The following LTBR variants were observed in gnomAD, a reference collection of about 807,000 sequenced individuals.
LTBR encodes lymphotoxin beta receptor, also known as tumor necrosis factor receptor superfamily member 3.
Under a neutral mutation model 45.4 loss-of-function variants are expected in LTBR, and 15 were observed. The observed-to-expected ratio is 0.33, with a 90% confidence interval of 0.22 to 0.51. The LOEUF is 0.51. LTBR is among the 20% of genes least tolerant of loss of function. The probability of loss-of-function intolerance (pLI) is 0.97; values close to 1 mark genes in which losing one functional copy is unlikely to be tolerated. For synonymous variants in LTBR, 228 were observed against 231.0 expected (o/e 0.99, Z 0.12); for missense variants, 450 against 565.5 (o/e 0.80, Z 2.07).
At position 6,386,469 on chromosome 12, in the gene LTBR, CGG is replaced by C; in HGVS notation, c.667+32_667+33del. On this transcript the variant is annotated intron_variant, in intron 6 of 9. Coordinates refer to ENST00000228918, the MANE Select transcript of LTBR (RefSeq NM_002342.3). The surrounding 1 kb of genome is among the most constrained non-coding windows in gnomAD (Gnocchi z 4.1). Reference sequence around the variant, plus strand: ...GGTGAGGGACCAGGGCTGAGGGACACGGGGGGGGCGCCTCTGAAAATGCCTTA... The same window carrying C: ...GGTGAGGGACCAGGGCTGAGGGACACGGGGGGCGCCTCTGAAAATGCCTTA... 1 of 1,483,908 alleles carries C rather than the reference CGG, an allele frequency of 6.7e-7. No homozygotes were observed. Among genetic ancestry groups the C allele is most frequent in the Non-Finnish European group, 9.4e-7 (1 of 1,068,326 alleles). The allele number at this position is 1,483,908 out of a possible 1,614,324, so 91.9% of individuals were successfully genotyped here. A position where few individuals can be genotyped will look rare whatever the true frequency, so the allele number is the denominator to read the frequency against.
intron 2 of LTBR, 164 bp from the exon 3 acceptor site, chr12:6,384,858 T>C: frequency 9.7e-7 from 1 of 1,031,840 alleles, no homozygotes; most frequent in Non-Finnish European, 1.4e-6. Flanking sequence ...CCCTCCCCAC[T>C]GGGCCTCCTC....
chr12:6,375,466 C>A, exon 1 of LTBR: 4 of 1,535,588 alleles, frequency 2.6e-6, no homozygotes, highest in South Asian at 1.2e-5. Flanking sequence ...TGGTTCCTTT[C>A]CAGTTGAATC....
In LTBR at chr12:6,386,546, A is replaced by C. The variant is rs911096663; in HGVS notation, c.667+102A>C. Reference sequence around the variant, plus strand: ...GGGAAAAGATGAACACTTCCCTCCCAGAATTGGGCAAGAAGAAAGTTCCTT... The same window carrying C: ...GGGAAAAGATGAACACTTCCCTCCCCGAATTGGGCAAGAAGAAAGTTCCTT... On this transcript the variant is annotated intron_variant, in intron 6 of 9. Coordinates refer to ENST00000228918, the MANE Select transcript of LTBR (RefSeq NM_002342.3). The surrounding 1 kb of genome is among the most constrained non-coding windows in gnomAD (Gnocchi z 4.1). 6 of 896,324 alleles carry C rather than the reference A, an allele frequency of 6.7e-6. No individual in the cohort carries two copies. In the African/African-American group the frequency reaches 1.0e-4, roughly 15 times the overall value. The allele number at this position is 896,324 out of a possible 1,614,324, so 55.5% of individuals were successfully genotyped here. A position where few individuals can be genotyped will look rare whatever the true frequency, so the allele number is the denominator to read the frequency against.
chr12:6,375,230 T>C, upstream of LTBR: 10 of 1,441,364 alleles, frequency 6.9e-6, no homozygotes, highest in Non-Finnish European at 9.1e-6. Context: ...TGTTTCTCTT[T>C]GGGTCTCTCC....
upstream of LTBR, among the ~76,000 whole-genome samples, chr12:6,380,739 A>C (rs1447036778): frequency 1.3e-5 from 2 of 151,898 alleles, no homozygotes; most frequent in African/African-American, 4.8e-5. Flanking sequence ...CATTTCCATC[A>C]GCCCCCTTTC....
rs931767269 is a variant in LTBR at position 6,390,575 on chromosome 12, A to G, written c.1031-85A>G. 2.2e-6 allele frequency: 3 copies of G among 1,364,758 alleles called. 1 individual carries two copies. The highest frequency in any genetic ancestry group is 3.0e-5 in the South Asian group (2 of 66,454). 84.5% of individuals were successfully genotyped at this position (1,364,758 alleles called of 1,614,324 possible). A position where few individuals can be genotyped will look rare whatever the true frequency, so the allele number is the denominator to read the frequency against. The stretch of plus-strand genomic sequence containing the variant: ...CAGGAGAGGGGCGGGGCCAGGGGAA[A>G]GGCGAGAAGAAGGCAAGAATTCAAG... On this transcript the variant is annotated intron_variant, in intron 9 of 9. Coordinates refer to ENST00000228918, the MANE Select transcript of LTBR (RefSeq NM_002342.3).
upstream of LTBR, among the ~76,000 whole-genome samples, chr12:6,379,594 G>A (rs1019914022): frequency 6.6e-6 from 1 of 152,174 alleles, no homozygotes; most frequent in African/African-American, 2.4e-5. Flanking sequence ...CCAGAAAAAT[G>A]CCACTCTTCA....
intron 1 of LTBR, chr12:6,375,726 C>G: frequency 7.0e-7 from 1 of 1,422,132 alleles, no homozygotes. Flanking sequence ...GGGCTTTAGA[C>G]GCAGACAGGC....
exon 1 of LTBR, chr12:6,375,568 G>A: frequency 6.5e-7 from 1 of 1,532,764 alleles, no homozygotes; most frequent in Non-Finnish European, 8.7e-7. Flanking sequence ...GGAAGCGACA[G>A]GAATCTCATT....
At chr12:6,379,305 TG>T (rs1339423680), upstream of LTBR, among the ~76,000 whole-genome samples, 3 of 152,162 alleles carry the variant, frequency 2.0e-5, no homozygotes, top group Non-Finnish European at 4.4e-5. Flanking sequence ...GAGCGGGATA[TG>T]CTACGAAAAA....
intron 1 of LTBR, among the ~76,000 whole-genome samples, chr12:6,378,179 G>C (rs1255318958): frequency 2.0e-5 from 3 of 152,046 alleles, no homozygotes; most frequent in Non-Finnish European, 4.4e-5. Context: ...ATATCTTTTT[G>C]TGTGCCTTTA....
At position 6,388,644 on chromosome 12, in the gene LTBR, C is replaced by A; in HGVS notation, c.775+139C>A. ...CATAGACATCCTTATCTTCATCCAG[C>A]TGCTTATTCTGAGGCTGGAGATGAG... On this transcript the variant is annotated intron_variant, in intron 7 of 9. Transcript: ENST00000228918. The surrounding 1 kb of genome is among the most constrained non-coding windows in gnomAD (Gnocchi z 4.3). 1 of 1,115,922 alleles carries A rather than the reference C, an allele frequency of 9.0e-7. No homozygotes were observed. Among genetic ancestry groups the A allele is most frequent in the Non-Finnish European group, 1.3e-6 (1 of 742,820 alleles). 69.1% of individuals were successfully genotyped at this position (1,115,922 alleles called of 1,614,324 possible).
Position 6,386,521 on chromosome 12 carries a change from G to T in LTBR, c.667+77G>T. ...AATGCTCCACATCTTAAAAAAAATG[G>T]GGAAAAGATGAACACTTCCCTCCCA... is the stretch of plus-strand genomic sequence containing the variant. On this transcript the variant is annotated intron_variant, in intron 6 of 9. Transcript: ENST00000228918. The surrounding 1 kb of genome is among the most constrained non-coding windows in gnomAD (Gnocchi z 4.1). 8.8e-7 allele frequency: 1 copy of T among 1,141,490 alleles called. No homozygotes were observed. Among genetic ancestry groups the T allele is most frequent in the Non-Finnish European group, 1.3e-6 (1 of 778,926 alleles). The allele number at this position is 1,141,490 out of a possible 1,614,324, so 70.7% of individuals were successfully genotyped here. A position where few individuals can be genotyped will look rare whatever the true frequency, so the allele number is the denominator to read the frequency against.
At chr12:6,389,184 T>C (rs1949082475) in intron 8 of LTBR, 2 of 202,942 alleles carry the variant, frequency 9.9e-6, no homozygotes, top group South Asian at 1.7e-4. Context: ...AACCTGATAT[T>C]TGAGCGGAGA....
chr12:6,390,441 C>G, intron 9 of LTBR, 101 bp downstream of exon 9: 2 of 1,076,800 alleles, frequency 1.9e-6, no homozygotes, highest in South Asian at 1.5e-5. Flanking sequence ...AAAACAGAGG[C>G]AGACAGAGAC....
rs372547935 is a variant in LTBR at position 6,376,586 on chromosome 12, G to C, written c.39+992G>C. Among the ~76,000 whole-genome samples, 6 of 152,342 alleles carry C rather than the reference G, an allele frequency of 3.9e-5. No homozygotes were observed. In the East Asian group the frequency reaches 5.8e-4, roughly 15 times the overall value. ...TGGGAGGAGGAGAAATTCGTTGATG[G>C]GCTATATTTTCTCCAAAATCTCTTT... On this transcript the variant is annotated intron_variant, in intron 1 of 9. Coordinates refer to the LTBR transcript ENST00000539925.
Position 6,388,978 on chromosome 12 carries a change from C to G in LTBR, c.801+153C>G. 1 of 913,468 alleles carries G rather than the reference C, an allele frequency of 1.1e-6. No individual in the cohort carries two copies. The highest frequency in any genetic ancestry group is 1.7e-6 in the Non-Finnish European group (1 of 581,626). 56.6% of individuals were successfully genotyped at this position (913,468 alleles called of 1,614,324 possible). A position where few individuals can be genotyped will look rare whatever the true frequency, so the allele number is the denominator to read the frequency against. The stretch of plus-strand genomic sequence containing the variant: ...AACATGCCACGTACCAGGCACTGTC[C>G]TAGGCACTGGGCGTACAGCAGTGAG... On this transcript the variant is annotated intron_variant, in intron 8 of 9. Coordinates refer to ENST00000228918, the MANE Select transcript of LTBR (RefSeq NM_002342.3). The surrounding 1 kb of genome is among the most constrained non-coding windows in gnomAD (Gnocchi z 4.3).
chr12:6,383,389 G>T (rs1358863584), upstream of LTBR, among the ~76,000 whole-genome samples: 1 of 152,194 alleles, frequency 6.6e-6, no homozygotes, highest in Non-Finnish European at 1.5e-5. Context: ...CCCTCTCCAT[G>T]CTTAAGGTGA....
chr12:6,385,471 G>T, intron 4 of LTBR, 92 bp downstream of exon 4: 1 of 1,447,912 alleles, frequency 6.9e-7, no homozygotes, highest in Non-Finnish European at 9.4e-7. Flanking sequence ...TGTCCACGGC[G>T]ACCCCCCAGA....
Sources: allele counts gnomAD v4.1 joint callset (sites outside exome capture counted in the v4.1 genomes callset), GRCh38; gene constraint gnomAD v4.1.1; non-coding constraint Gnocchi (gnomAD v3.1); transcripts MANE v1.5; gene names NCBI Gene and HGNC (gene_info 2026-07-23, HGNC 2026-07-21).